EYA3: variants seen among roughly 807,000 people sequenced by gnomAD.
EYA3 encodes the protein EYA transcriptional coactivator and phosphatase 3.
A neutral mutation model predicts 80.0 loss-of-function variants in EYA3; 39 were observed. The ratio of observed to expected loss-of-function variants is 0.49; its 90% confidence interval spans 0.38 to 0.64. EYA3 has a LOEUF of 0.64. Among genes scored for constraint, EYA3 ranks in the 30% least tolerant of loss-of-function variants. The pLI is 0.00. For synonymous variants in EYA3, 206 were observed against 232.8 expected, an observed-to-expected ratio of 0.88 and a Z score of 1.05; for missense variants, 523 against 676.1, an observed-to-expected ratio of 0.77 and a Z score of 2.51.
chr1:27,981,447 C>G (rs1437631803), intron 16 of EYA3, among the ~76,000 whole-genome samples: 1 of 152,146 alleles, frequency 6.6e-6, no homozygotes, highest in Non-Finnish European at 1.5e-5. Flanking sequence ...AGTGAGTGCT[C>G]TGGGTTCCTA....
Position 28,066,275 on chromosome 1 carries a change from T to C in EYA3, c.-68-8181A>G, listed in dbSNP as rs892207082. Reference sequence around the variant, plus strand: ...TCCATTTAATATTTTCAGACCAAGGTTGATAGAAGGTAACTAAAACCGCCA... The same window carrying C: ...TCCATTTAATATTTTCAGACCAAGGCTGATAGAAGGTAACTAAAACCGCCA... On this transcript the variant is annotated intron_variant, in intron 1 of 17. Coordinates refer to ENST00000373871, the MANE Select transcript of EYA3 (RefSeq NM_001990.4). Among the ~76,000 whole-genome samples, 7 of 152,264 alleles carry C rather than the reference T, an allele frequency of 4.6e-5. No individual in the cohort carries two copies. In the East Asian group the frequency reaches 5.8e-4, roughly 13 times the overall value.
chr1:28,031,560 C>CA (rs1486256354), intron 6 of EYA3, among the ~76,000 whole-genome samples: 4 of 152,218 alleles, frequency 2.6e-5, no homozygotes, highest in African/African-American at 7.2e-5. Flanking sequence ...TTTCTCAGCA[C>CA]AAGTACTTCA....
intron 1 of EYA3, among the ~76,000 whole-genome samples, chr1:28,080,871 C>T (rs1043526233): frequency 1.3e-5 from 2 of 152,092 alleles, no homozygotes; most frequent in Non-Finnish European, 2.9e-5. Context: ...CTGCCTCAGC[C>T]TCCCAAGTAG....
At chr1:28,063,474 A>G (rs1644718458) in intron 1 of EYA3, among the ~76,000 whole-genome samples, 1 of 148,494 alleles carries the variant, frequency 6.7e-6, no homozygotes, top group African/African-American at 2.5e-5. Flanking sequence ...CTCATGCCTC[A>G]GCCTCCCAGG....
chr1:27,994,470 G>A (rs912299589), intron 13 of EYA3, among the ~76,000 whole-genome samples: 1 of 151,978 alleles, frequency 6.6e-6, no homozygotes, highest in Non-Finnish European at 1.5e-5. Flanking sequence ...AGGCCGAGGC[G>A]GGTGGATCTC....
chr1:28,042,892 T>G (rs1363441123), intron 3 of EYA3, among the ~76,000 whole-genome samples: 1 of 152,102 alleles, frequency 6.6e-6, no homozygotes, highest in Non-Finnish European at 1.5e-5. Flanking sequence ...TCACCCAGGC[T>G]CGAGTGCAGT....
At chr1:28,073,127 ATTTTTT>A (rs1180868021) in intron 1 of EYA3, among the ~76,000 whole-genome samples, 6 of 14,992 alleles carry the variant, frequency 4.0e-4, no homozygotes, top group African/African-American at 1.9e-3. Flanking sequence ...ATATATATAT[ATTTTTT>A]TTTTTTTTTT....
At chr1:28,006,728 T>TA in intron 10 of EYA3, among the ~76,000 whole-genome samples, 1 of 151,642 alleles carries the variant, frequency 6.6e-6, no homozygotes, top group Non-Finnish European at 1.5e-5. Context: ...AAAAAATAAA[T>TA]AAAAATAAAA....
chr1:28,078,359 T>C (rs1045883865), intron 1 of EYA3, among the ~76,000 whole-genome samples: 1 of 152,208 alleles, frequency 6.6e-6, no homozygotes. Flanking sequence ...TTCAAGCTCC[T>C]GAGCAATATA....
At chr1:28,001,780 G>A (rs969115799) in intron 11 of EYA3, among the ~76,000 whole-genome samples, 1 of 147,330 alleles carries the variant, frequency 6.8e-6, no homozygotes, top group African/African-American at 2.5e-5. Context: ...ACCCAGGCTG[G>A]AGTGCTGCGG....
chr1:28,056,835 A>T (rs1644455228), intron 2 of EYA3, among the ~76,000 whole-genome samples: 1 of 152,236 alleles, frequency 6.6e-6, no homozygotes, highest in Admixed American at 6.5e-5. Flanking sequence ...TTTTAAAAAT[A>T]TGACTAGACC....
intron 1 of EYA3, among the ~76,000 whole-genome samples, chr1:28,073,360 C>T (rs540310571): frequency 2.0e-4 from 29 of 143,306 alleles, no homozygotes; most frequent in Non-Finnish European, 3.0e-4. Flanking sequence ...TGCAGTGGCG[C>T]GATCTTGGCT....
chr1:27,985,914 G>GA (rs1639625245), intron 16 of EYA3, among the ~76,000 whole-genome samples: 1 of 152,054 alleles, frequency 6.6e-6, no homozygotes, highest in South Asian at 2.1e-4. Context: ...TTTTACTTGA[G>GA]AAAACTGAGG....
At chr1:28,087,287 G>C (rs1384491274) in intron 1 of EYA3, among the ~76,000 whole-genome samples, 1 of 151,910 alleles carries the variant, frequency 6.6e-6, no homozygotes, top group African/African-American at 2.4e-5. Flanking sequence ...TTTAAGAAAG[G>C]TGCCCTAAAT....
intron 6 of EYA3, chr1:28,032,049 A>G (rs1291899315): frequency 2.6e-5 from 4 of 152,152 alleles, no homozygotes; most frequent in African/African-American, 9.7e-5. Context: ...AGGTCACCAC[A>G]TTGATGCTGA....
chr1:28,052,619 C>T (rs11247742), intron 2 of EYA3, among the ~76,000 whole-genome samples: 50,829 of 152,008 alleles, frequency 0.33, 8,667 homozygotes, highest in East Asian at 0.51. Context: ...AGCTATAAAA[C>T]TCTTAGGAGA....
At chr1:28,052,060 G>A (rs1644270311) in intron 2 of EYA3, among the ~76,000 whole-genome samples, 1 of 151,862 alleles carries the variant, frequency 6.6e-6, no homozygotes, top group African/African-American at 2.4e-5. Context: ...CCTGGCTGGA[G>A]TGCAGTGGTG....
chr1:28,017,703 A>AT (rs1302958575), intron 7 of EYA3, among the ~76,000 whole-genome samples: 1 of 152,224 alleles, frequency 6.6e-6, no homozygotes, highest in Non-Finnish European at 1.5e-5. Flanking sequence ...TACATGAGAA[A>AT]TAGAGCTGGT....
chr1:27,981,313 C>T (rs1000362249), intron 16 of EYA3, among the ~76,000 whole-genome samples: 5 of 152,114 alleles, frequency 3.3e-5, no homozygotes. Context: ...AGGAAAAATA[C>T]CAAATAAGCA....
Sources: allele counts gnomAD v4.1 joint callset (sites outside exome capture counted in the v4.1 genomes callset), GRCh38; gene constraint gnomAD v4.1.1; transcripts MANE v1.5; gene names NCBI Gene and HGNC (gene_info 2026-07-23, HGNC 2026-07-21).